RPS6KC1: variants seen among roughly 807,000 people sequenced by gnomAD.
RPS6KC1 encodes ribosomal protein S6 kinase C1.
Under a neutral mutation model 103.8 loss-of-function variants are expected in RPS6KC1, and 54 were observed. The observed-to-expected ratio is 0.52, with a 90% confidence interval of 0.42 to 0.65. RPS6KC1 has a LOEUF of 0.65. Among genes scored for constraint, RPS6KC1 ranks in the 30% least tolerant of loss-of-function variants. The pLI is 0.00. For missense variants in RPS6KC1, 1,151 were observed against 1,253.8 expected, an observed-to-expected ratio of 0.92 and a Z score of 1.24; for synonymous variants, 439 against 438.7, an observed-to-expected ratio of 1.00 and a Z score of -0.01.
the RPS6KC1 span, chr1:213,820,564 T>G: frequency 6.6e-6 from 1 of 152,200 alleles, no homozygotes; most frequent in Non-Finnish European, 1.5e-5. Flanking sequence ...TCTAGAAACC[T>G]GCATTTCACC....
At chr1:213,124,300 G>A (rs1399878517) in intron 5 of RPS6KC1, among the ~76,000 whole-genome samples, 1 of 152,108 alleles carries the variant, frequency 6.6e-6, no homozygotes, top group South Asian at 2.1e-4. Context: ...TGGCCCAGAG[G>A]GCCTCTTTAA....
chr1:213,060,061 G>A (rs371012405), intron 1 of RPS6KC1, among the ~76,000 whole-genome samples: 212 of 152,174 alleles, frequency 1.4e-3, no homozygotes, highest in African/African-American at 4.9e-3. Context: ...CAGGTGATCC[G>A]CCCACCTCAG....
At chr1:213,654,256 G>A in the RPS6KC1 span, among the ~76,000 whole-genome samples, 1 of 152,096 alleles carries the variant, frequency 6.6e-6, no homozygotes, top group Non-Finnish European at 1.5e-5. Flanking sequence ...ACCCACTTTT[G>A]ATCATTATGT....
the RPS6KC1 span, among the ~76,000 whole-genome samples, chr1:213,587,575 G>C: frequency 6.6e-6 from 1 of 152,186 alleles, no homozygotes; most frequent in East Asian, 1.9e-4. Context: ...TGGAGTGTTT[G>C]ATACATAAAA....
In RPS6KC1 at chr1:213,059,821, C is replaced by T. The variant is rs563525646; in HGVS notation, c.105+8312C>T. On this transcript the variant is annotated intron_variant, in intron 1 of 14. Transcript: ENST00000366960. ...CTGAGTAGGTGAGACTACAGGCACC[C>T]GCCACCGTGCCCAGCTAATTTTTAT... is the stretch of plus-strand genomic sequence containing the variant. 5.5e-4 allele frequency among the ~76,000 whole-genome samples: 83 copies of T among 152,224 alleles called. 1 individual carries two copies. The South Asian group carries it at 0.016, about 28-fold the overall frequency.
At chr1:213,799,773 A>T in the RPS6KC1 span, among the ~76,000 whole-genome samples, 1 of 152,164 alleles carries the variant, frequency 6.6e-6, no homozygotes, top group African/African-American at 2.4e-5. Flanking sequence ...TGATGGACAC[A>T]GTGAGAGGAG....
At chr1:213,440,003 A>G in the RPS6KC1 span, among the ~76,000 whole-genome samples, 1 of 152,228 alleles carries the variant, frequency 6.6e-6, no homozygotes, top group East Asian at 1.9e-4. Context: ...ATCTCCTGCC[A>G]ATGGTACATA....
the RPS6KC1 span, among the ~76,000 whole-genome samples, chr1:213,766,659 G>A: frequency 3.3e-5 from 5 of 152,068 alleles, no homozygotes; most frequent in African/African-American, 1.2e-4. Context: ...TAATTTTACT[G>A]TTTCCTCATG....
the RPS6KC1 span, among the ~76,000 whole-genome samples, chr1:213,470,875 T>C: frequency 1.3e-5 from 2 of 152,156 alleles, no homozygotes. Context: ...TCCTCCTCCT[T>C]CAGCCTCCCA....
the RPS6KC1 span, among the ~76,000 whole-genome samples, chr1:213,516,014 T>C: frequency 2.3e-4 from 35 of 152,352 alleles, 1 homozygote; most frequent in Middle Eastern, 3.4e-3. Context: ...ATTTCACTCA[T>C]GATTTGGCTC....
At chr1:213,416,526 A>G in the RPS6KC1 span, among the ~76,000 whole-genome samples, 36 of 152,288 alleles carry the variant, frequency 2.4e-4, 1 homozygote, top group South Asian at 3.7e-3. Flanking sequence ...TAGCGTGAAA[A>G]TCAGAGGGCA....
chr1:213,683,400 A>G, the RPS6KC1 span, among the ~76,000 whole-genome samples: 1 of 152,154 alleles, frequency 6.6e-6, no homozygotes, highest in Non-Finnish European at 1.5e-5. Context: ...AGTTAGAGAG[A>G]GGGGGAACAC....
the RPS6KC1 span, among the ~76,000 whole-genome samples, chr1:213,740,052 G>A: frequency 3.9e-5 from 6 of 152,056 alleles, no homozygotes; most frequent in African/African-American, 1.4e-4. Context: ...TAATAGAATA[G>A]AGATAATGAT....
chr1:213,512,849 C>T, the RPS6KC1 span, among the ~76,000 whole-genome samples: 1 of 152,164 alleles, frequency 6.6e-6, no homozygotes, highest in African/African-American at 2.4e-5. Flanking sequence ...GGAATTAGTT[C>T]AAAACACTGG....
the RPS6KC1 span, among the ~76,000 whole-genome samples, chr1:213,289,037 G>A: frequency 1.3e-5 from 2 of 152,008 alleles, no homozygotes; most frequent in African/African-American, 4.8e-5. Flanking sequence ...GAACTTCGGC[G>A]ATGCTGGTCT....
At chr1:213,455,915 G>A in the RPS6KC1 span, among the ~76,000 whole-genome samples, 5 of 152,214 alleles carry the variant, frequency 3.3e-5, no homozygotes, top group African/African-American at 1.2e-4. Flanking sequence ...GAACATAGCC[G>A]AAGGCCCCCA....
At chr1:213,653,494 G>A in the RPS6KC1 span, among the ~76,000 whole-genome samples, 1 of 151,800 alleles carries the variant, frequency 6.6e-6, no homozygotes, top group Non-Finnish European at 1.5e-5. Context: ...TTAATTTTCT[G>A]TAGTTTCTTT....
At chr1:213,371,600 C>T in the RPS6KC1 span, among the ~76,000 whole-genome samples, 2 of 152,178 alleles carry the variant, frequency 1.3e-5, no homozygotes, top group African/African-American at 4.8e-5. Flanking sequence ...CTTCTTGTTA[C>T]TTTCTGGTTG....
chr1:213,326,021 C>T, the RPS6KC1 span, among the ~76,000 whole-genome samples: 3 of 152,100 alleles, frequency 2.0e-5, 1 homozygote, highest in South Asian at 6.2e-4. Context: ...TTCAGTGTTA[C>T]TAGGGATGCT....
Sources: allele counts gnomAD v4.1 joint callset (sites outside exome capture counted in the v4.1 genomes callset), GRCh38; gene constraint gnomAD v4.1.1; transcripts MANE v1.5; gene names NCBI Gene and HGNC (gene_info 2026-07-23, HGNC 2026-07-21).